The following SYNDIG1L variants were observed in gnomAD, a reference collection of about 807,000 sequenced individuals.
SYNDIG1L encodes the protein synapse differentiation-inducing gene protein 1-like.
Under a neutral mutation model 20.1 loss-of-function variants are expected in SYNDIG1L, and 13 were observed. The observed-to-expected ratio is 0.65, with a 90% CI of 0.42 to 1.03. The LOEUF (loss-of-function observed/expected upper bound fraction) is 1.03. SYNDIG1L is among the 50% of genes least tolerant of loss of function. The pLI is 0.00. For synonymous variants in SYNDIG1L, 128 were observed against 129.3 expected, an observed-to-expected ratio of 0.99 and a Z score of 0.07; for missense variants, 294 against 305.1, an observed-to-expected ratio of 0.96 and a Z score of 0.27.
chr14:74,463,273 C>A, the SYNDIG1L span, among the ~76,000 whole-genome samples: 2 of 152,218 alleles, frequency 1.3e-5, no homozygotes, highest in Non-Finnish European at 1.5e-5. Context: ...CCCTCACAGG[C>A]TCCTGGAGTT....
At chr14:74,422,048 T>C (rs551146292) in intron 1 of SYNDIG1L, among the ~76,000 whole-genome samples, 3 of 152,280 alleles carry the variant, frequency 2.0e-5, no homozygotes, top group Admixed American at 2.0e-4. Context: ...AATTAGTCCA[T>C]TTTCAGGTGG....
the SYNDIG1L span, among the ~76,000 whole-genome samples, chr14:74,436,237 T>C: frequency 6.6e-6 from 1 of 151,772 alleles, no homozygotes; most frequent in Non-Finnish European, 1.5e-5. Context: ...ATTTTTTTTT[T>C]TTTTTTTAAG....
At chr14:74,472,498 A>C in the SYNDIG1L span, 1 of 152,246 alleles carries the variant, frequency 6.6e-6, no homozygotes, top group Non-Finnish European at 1.5e-5. Context: ...TGTGCTGGAC[A>C]GTGGGAATAC....
In SYNDIG1L at chr14:74,407,764, C is replaced by G. The variant is rs2086094888; in HGVS notation, c.559-71G>C. On this transcript the variant is annotated intron_variant, in intron 3 of 3. Coordinates refer to ENST00000331628, the MANE Select transcript of SYNDIG1L (RefSeq NM_001105579.2). ...GCCAAACAGCCCAGCCTGCCAGGCC[C>G]CTGACCCCATCCTGCAGACGGGATG... 19 of 1,576,104 alleles carry G rather than the reference C, an allele frequency of 1.2e-5. No homozygotes were observed. The South Asian group carries it at 1.8e-4, about 15-fold the overall frequency.
chr14:74,407,987 G>A lies in SYNDIG1L; in HGVS notation c.420C>T (p.Ser140=), dbSNP rs60246711. The A allele has an allele frequency of 1.8e-3, 2,915 of 1,608,186 alleles. 31 individuals carry two copies. The East Asian group carries it at 0.028, about 15-fold the overall frequency. The change falls in exon 3 of 4, where the codon AGC becomes AGT. Residue 140 remains serine, a splice_region_variant and synonymous_variant. Coordinates refer to ENST00000331628, the MANE Select transcript of SYNDIG1L (RefSeq NM_001105579.2). ...DQEDDQEEEE[S]DATSTESESE... is the part of the protein sequence containing the mutation. ...TTTCACTCTCCGTTGAAGTGGCATC[G>A]CTCTGCAAAACAGTGGAGTTTGGTG...
At chr14:74,466,709 A>G in the SYNDIG1L span, among the ~76,000 whole-genome samples, 1 of 152,126 alleles carries the variant, frequency 6.6e-6, no homozygotes, top group South Asian at 2.1e-4. Flanking sequence ...ATTGGTATCA[A>G]CCCTGAACAT....
chr14:74,464,874 C>T, the SYNDIG1L span, among the ~76,000 whole-genome samples: 5 of 152,164 alleles, frequency 3.3e-5, no homozygotes, highest in Non-Finnish European at 7.4e-5. Flanking sequence ...TATTAATAGC[C>T]TCATTATTAT....
intron 1 of SYNDIG1L, among the ~76,000 whole-genome samples, chr14:74,420,677 C>T (rs1235356350): frequency 6.6e-6 from 1 of 152,070 alleles, no homozygotes; most frequent in Non-Finnish European, 1.5e-5. Flanking sequence ...AAATGACCAC[C>T]TCTTTTCCTT....
intron 1 of SYNDIG1L, among the ~76,000 whole-genome samples, chr14:74,420,874 A>T (rs2086215638): frequency 6.6e-6 from 1 of 152,234 alleles, no homozygotes; most frequent in South Asian, 2.1e-4. Flanking sequence ...GGAGGTAAGA[A>T]CAACTCCCAT....
the SYNDIG1L span, among the ~76,000 whole-genome samples, chr14:74,445,569 G>T: frequency 6.6e-6 from 1 of 151,886 alleles, no homozygotes; most frequent in Non-Finnish European, 1.5e-5. Context: ...CTGCCTCCTG[G>T]GTTCAAGCGA....
chr14:74,421,425 C>T (rs2086220596), intron 1 of SYNDIG1L, among the ~76,000 whole-genome samples: 1 of 152,142 alleles, frequency 6.6e-6, no homozygotes, highest in Admixed American at 6.5e-5. Flanking sequence ...CAACATCAAT[C>T]TAATAGGAGT....
the SYNDIG1L span, among the ~76,000 whole-genome samples, chr14:74,457,027 C>T: frequency 6.6e-6 from 1 of 152,154 alleles, no homozygotes; most frequent in Non-Finnish European, 1.5e-5. Context: ...TTTGCCACAA[C>T]GGTCTGAGTG....
chr14:74,468,854 A>C, the SYNDIG1L span, among the ~76,000 whole-genome samples: 1 of 152,134 alleles, frequency 6.6e-6, no homozygotes, highest in Admixed American at 6.5e-5. Context: ...TGCTAAATCA[A>C]GTAACTAGCC....
At chr14:74,460,330 G>A in the SYNDIG1L span, among the ~76,000 whole-genome samples, 1 of 151,104 alleles carries the variant, frequency 6.6e-6, no homozygotes. Context: ...AAACTTAAAT[G>A]TCATCATCAT....
intron 1 of SYNDIG1L, among the ~76,000 whole-genome samples, chr14:74,420,226 A>G (rs2086210508): frequency 6.6e-6 from 1 of 151,862 alleles, no homozygotes. Context: ...GTGAAACCCC[A>G]TCTCTACTAA....
At chr14:74,440,438 C>T in the SYNDIG1L span, among the ~76,000 whole-genome samples, 3 of 148,480 alleles carry the variant, frequency 2.0e-5, no homozygotes, top group African/African-American at 5.0e-5. Flanking sequence ...GGCGTGAACC[C>T]GGGGAGGTGG....
At position 74,407,229 on chromosome 14, in the gene SYNDIG1L, G is replaced by A; in HGVS notation, c.*306C>T. The A allele has an allele frequency of 2.3e-6, 1 of 433,812 alleles. No individual in the cohort carries two copies. The highest frequency in any genetic ancestry group is 2.7e-5 in the South Asian group (1 of 37,500). 26.9% of individuals were successfully genotyped at this position (433,812 alleles called of 1,614,324 possible). A position where few individuals can be genotyped will look rare whatever the true frequency, so the allele number is the denominator to read the frequency against. ...TGGCTGTAGGGCAGGAGATCCTCTA[G>A]GGAATGGGCAGAATGGATGGAGCTA... On this transcript the variant is annotated 3_prime_UTR_variant, in exon 4 of 4. Transcript: ENST00000331628.
At chr14:74,431,791 A>C in the SYNDIG1L span, among the ~76,000 whole-genome samples, 3 of 152,192 alleles carry the variant, frequency 2.0e-5, 1 homozygote, top group South Asian at 6.2e-4. Flanking sequence ...CTCAGATGGA[A>C]TGTGATGGTG....
chr14:74,441,560 C>T, the SYNDIG1L span, among the ~76,000 whole-genome samples: 3 of 152,244 alleles, frequency 2.0e-5, no homozygotes, highest in South Asian at 6.2e-4. Context: ...GGTTGCAGTG[C>T]AGTGGCACCT....
Sources: gnomAD v4.1 joint callset for allele counts (sites outside exome capture counted in the v4.1 genomes callset) on GRCh38, gnomAD v4.1.1 for gene constraint, MANE v1.5 for transcripts, NCBI Gene and HGNC (gene_info 2026-07-23, HGNC 2026-07-21) for gene names.